The following POLD3 variants were observed in gnomAD, a reference collection of about 807,000 sequenced individuals.
The protein encoded by POLD3 is DNA polymerase delta subunit 3.
In POLD3, 19 loss-of-function variants were observed where a neutral mutation model predicts 58.2. That is an observed-to-expected ratio of 0.33 (90% CI 0.23 to 0.48). The LOEUF (loss-of-function observed/expected upper bound fraction) is 0.48, where lower values mean the gene tolerates loss of function less well. Ranked by LOEUF, POLD3 falls within the 20% of genes least tolerant of loss-of-function variation. POLD3 has a pLI of 0.99. For missense variants in POLD3, 504 were observed against 545.5 expected (o/e 0.92, Z 0.76); for synonymous variants, 172 against 193.5 (o/e 0.89, Z 0.92).
intron 2 of POLD3, among the ~76,000 whole-genome samples, chr11:74,598,716 T>A (rs926158117): frequency 2.0e-5 from 3 of 152,204 alleles, no homozygotes; most frequent in African/African-American, 7.2e-5. Context: ...CTGTATGGCC[T>A]GGGCTTTCTC....
At chr11:74,601,006 A>T (rs1373326386) in intron 2 of POLD3, among the ~76,000 whole-genome samples, 2 of 152,174 alleles carry the variant, frequency 1.3e-5, no homozygotes, top group East Asian at 3.9e-4. Flanking sequence ...GGTGTGAGCC[A>T]CCGCACCCAG....
chr11:74,643,507 C>A (rs1343279896), downstream of POLD3, among the ~76,000 whole-genome samples: 1 of 152,088 alleles, frequency 6.6e-6, no homozygotes, highest in Non-Finnish European at 1.5e-5. Flanking sequence ...ACAGGGTCCT[C>A]CAAGAGTTCC....
chr11:74,650,186 TGTC>T (rs1292117627), intron 4 of POLD3, among the ~76,000 whole-genome samples: 4 of 152,360 alleles, frequency 2.6e-5, no homozygotes, highest in East Asian at 3.9e-4. Context: ...AAAAATGAGT[TGTC>T]GTACTTTGCT....
At chr11:74,652,198 C>T (rs1235726538) in intron 4 of POLD3, among the ~76,000 whole-genome samples, 1 of 152,168 alleles carries the variant, frequency 6.6e-6, no homozygotes, top group East Asian at 1.9e-4. Flanking sequence ...TTGAATGTCT[C>T]GAAAGCAACT....
rs1351364976 is a variant in POLD3 at position 74,642,004 on chromosome 11, G to T, written c.*1238G>T. On this transcript the variant is annotated 3_prime_UTR_variant, in exon 12 of 12. Coordinates refer to ENST00000263681, the MANE Select transcript of POLD3 (RefSeq NM_006591.3). ...CAGTGGATTGCAGTGGTGTGCTGGT[G>T]ATTTTGCACAGTGAGCTCTGCGGAA... 3.0e-6 allele frequency: 3 copies of T among 985,356 alleles called. No homozygotes were observed. The African/African-American group carries it at 5.2e-5, about 17-fold the overall frequency. The allele number at this position is 985,356 out of a possible 1,614,324, so 61.0% of individuals were successfully genotyped here.
chr11:74,600,907 C>T (rs1474464563), intron 2 of POLD3, among the ~76,000 whole-genome samples: 1 of 151,854 alleles, frequency 6.6e-6, no homozygotes, highest in East Asian at 1.9e-4. Flanking sequence ...TTAATAGAGA[C>T]GAGGTTTCTC....
In POLD3 at chr11:74,625,556, G is replaced by A. The variant is rs1227679686; in HGVS notation, c.882G>A (p.Leu294=). ...SSKKAEPVKV[L]QKEKKRGKRV... is the part of the protein sequence containing the mutation. ...AAAAAGCAGAGCCTGTTAAGGTGCT[G>A]CAGAAGGAAAAAAAAAGGTAGGAAA... Residue 294 remains leucine, a synonymous_variant, in exon 8 of 12, where the codon CTG becomes CTA. Transcript: ENST00000263681. 1 of 1,599,142 alleles carries A rather than the reference G, an allele frequency of 6.3e-7. No individual in the cohort carries two copies. The highest frequency in any genetic ancestry group is 1.8e-5 in the Admixed American group (1 of 55,546).
intron 3 of POLD3, among the ~76,000 whole-genome samples, chr11:74,609,568 A>G (rs2031835620): frequency 6.6e-6 from 1 of 150,976 alleles, no homozygotes; most frequent in Non-Finnish European, 1.5e-5. Flanking sequence ...ATTTTAGTAG[A>G]GACGGGGCTT....
At chr11:74,654,093 CA>C (rs1393998198) in intron 4 of POLD3, among the ~76,000 whole-genome samples, 4 of 152,150 alleles carry the variant, frequency 2.6e-5, no homozygotes, top group Admixed American at 6.6e-5. Flanking sequence ...GTGATCCCCC[CA>C]GATGACTCAA....
chr11:74,618,841 C>T, intron 6 of POLD3, 37 bp downstream of exon 6: 1 of 1,554,646 alleles, frequency 6.4e-7, no homozygotes, highest in Non-Finnish European at 8.8e-7. Flanking sequence ...CATTGCAGCT[C>T]AGAGTGGGTA....
intron 9 of POLD3, among the ~76,000 whole-genome samples, chr11:74,630,887 G>A (rs573083236): frequency 1.2e-4 from 19 of 152,298 alleles, no homozygotes; most frequent in African/African-American, 4.3e-4. Context: ...GTTCTGATCT[G>A]TAGCCTACAA....
intron 2 of POLD3, among the ~76,000 whole-genome samples, chr11:74,603,386 T>C (rs903014812): frequency 1.3e-5 from 2 of 152,146 alleles, no homozygotes; most frequent in Non-Finnish European, 2.9e-5. Flanking sequence ...AAGTGAAGTA[T>C]AATGACTCCC....
chr11:74,623,841 T>C (rs1426162698), intron 7 of POLD3, among the ~76,000 whole-genome samples: 2 of 152,350 alleles, frequency 1.3e-5, no homozygotes, highest in East Asian at 3.9e-4. Flanking sequence ...CCTTACAATG[T>C]TGCATTAAAC....
chr11:74,611,833 T>C (rs2031923386), intron 4 of POLD3, among the ~76,000 whole-genome samples: 1 of 152,206 alleles, frequency 6.6e-6, no homozygotes, highest in South Asian at 2.1e-4. Context: ...CCTCATCAAC[T>C]GTGAAAAGAC....
chr11:74,649,118 C>T (rs1027359411), intron 4 of POLD3, among the ~76,000 whole-genome samples: 2 of 152,164 alleles, frequency 1.3e-5, no homozygotes, highest in East Asian at 1.9e-4. Context: ...CATTCTCTGA[C>T]GCACATACAC....
chr11:74,639,959 C>T (rs2032865958), intron 11 of POLD3, among the ~76,000 whole-genome samples: 1 of 152,116 alleles, frequency 6.6e-6, no homozygotes, highest in Non-Finnish European at 1.5e-5. Context: ...AATTTGCAGC[C>T]ATTAAGAACT....
chr11:74,667,332 G>T (rs184047695), intron 4 of POLD3, among the ~76,000 whole-genome samples: 33 of 152,088 alleles, frequency 2.2e-4, no homozygotes, highest in African/African-American at 7.5e-4. Context: ...TCAGGAGATC[G>T]AGACCATCCT....
intron 1 of POLD3, among the ~76,000 whole-genome samples, chr11:74,593,802 G>GT (rs1277651694): frequency 1.3e-5 from 2 of 152,150 alleles, no homozygotes; most frequent in African/African-American, 4.8e-5. Flanking sequence ...GAAAATGAGA[G>GT]TTTTTTCTGT....
intron 2 of POLD3, chr11:74,595,486 T>C (rs1416138299): frequency 6.6e-6 from 1 of 152,214 alleles, no homozygotes; most frequent in Non-Finnish European, 1.5e-5. Context: ...TGGTTGTTGT[T>C]GAGTTTTAAG....
Sources: allele counts gnomAD v4.1 joint callset (sites outside exome capture counted in the v4.1 genomes callset), GRCh38; gene constraint gnomAD v4.1.1; transcripts MANE v1.5; gene names NCBI Gene and HGNC (gene_info 2026-07-23, HGNC 2026-07-21).